Variants in RBFOX3 observed in about 807,000 individuals in gnomAD.
RBFOX3 encodes the protein RNA binding fox-1 homolog 3.
RBFOX3 carries 17 observed loss-of-function variants against 48.7 expected under a neutral mutation model. That is an observed-to-expected ratio of 0.35 (90% CI 0.24 to 0.52). The LOEUF is 0.52. Ranked by LOEUF, RBFOX3 falls within the 20% of genes least tolerant of loss-of-function variation. RBFOX3 has a pLI of 0.94. For missense variants in RBFOX3, 382 were observed against 497.5 expected (o/e 0.77, Z 2.21); for synonymous variants, 212 against 209.5 (o/e 1.01, Z -0.10).
intron 3 of RBFOX3, among the ~76,000 whole-genome samples, chr17:79,250,300 C>G (rs1037798376): frequency 6.6e-6 from 1 of 152,144 alleles, no homozygotes; most frequent in Non-Finnish European, 1.5e-5. Context: ...GTGCCTGTAT[C>G]GACAGTTGGG....
In RBFOX3 at chr17:79,362,257, G is replaced by A. The variant is rs141328342; in HGVS notation, c.-174-54433C>T. Among the ~76,000 whole-genome samples the A allele has an allele frequency of 6.6e-6, 1 of 152,352 alleles. No homozygotes were observed. Among genetic ancestry groups the A allele is most frequent in the Admixed American group, 6.5e-5 (1 of 15,300 alleles). The stretch of plus-strand genomic sequence containing the variant: ...TTCCCAGGTTCTCAGATATTTTCCT[G>A]CCTTTGGGAAAATGCATCTGTCTCC... On this transcript the variant is annotated intron_variant, in intron 2 of 14. Coordinates refer to ENST00000693108, the MANE Select transcript of RBFOX3 (RefSeq NM_001350451.2). This position sits in a 1 kb window ranked among gnomAD's most constrained non-coding sequence, Gnocchi z 4.2.
intron 4 of RBFOX3, among the ~76,000 whole-genome samples, chr17:79,200,513 G>A (rs2056584276): frequency 6.6e-6 from 1 of 152,240 alleles, no homozygotes; most frequent in Non-Finnish European, 1.5e-5. Flanking sequence ...GGGCAGAGGT[G>A]CCGCCGGAGG....
Position 79,512,176 on chromosome 17 carries a change from T to C in RBFOX3, c.-319-29578A>G, listed in dbSNP as rs1013985312. ...CATGGCCAGGGGACACCCACCCGGA[T>C]ACATGTTACCATCGGATATAGCCCC... On this transcript the variant is annotated intron_variant, in intron 1 of 14. Transcript: ENST00000693108. 4.9e-5 allele frequency among the ~76,000 whole-genome samples: 7 copies of C among 141,586 alleles called. 1 individual carries two copies. The highest frequency in any genetic ancestry group is 2.3e-4 in the South Asian group (1 of 4,306). The allele number at this position is 141,586 out of a possible 152,430, so 92.9% of individuals were successfully genotyped here.
chr17:79,655,070 A>G, the RBFOX3 span, among the ~76,000 whole-genome samples: 2 of 152,162 alleles, frequency 1.3e-5, no homozygotes, highest in African/African-American at 2.4e-5. Flanking sequence ...AAGGGAAAGC[A>G]CCCAAGTAGA....
chr17:79,166,049 G>A (rs1273106945), intron 4 of RBFOX3, among the ~76,000 whole-genome samples: 1 of 152,226 alleles, frequency 6.6e-6, no homozygotes, highest in Non-Finnish European at 1.5e-5. Flanking sequence ...GCTGGAGTGA[G>A]ATGTTGCACA....
chr17:79,649,654 G>T, the RBFOX3 span, among the ~76,000 whole-genome samples: 1 of 152,156 alleles, frequency 6.6e-6, no homozygotes, highest in East Asian at 1.9e-4. Flanking sequence ...TGCAGTGGGC[G>T]GAGATAGCGC....
chr17:79,260,037 T>A (rs978260229), intron 3 of RBFOX3, among the ~76,000 whole-genome samples: 5 of 151,578 alleles, frequency 3.3e-5, no homozygotes, highest in African/African-American at 1.2e-4. Flanking sequence ...GAGATGGTCC[T>A]CACACCCCTG....
chr17:79,096,506 G>A, intron 12 of RBFOX3, 147 bp downstream of exon 12: 1 of 687,554 alleles, frequency 1.5e-6, no homozygotes, highest in Non-Finnish European at 2.5e-6. Flanking sequence ...CATACTCTGG[G>A]CAGACGTGGC....
At chr17:79,329,038 C>T (rs1185325071) in intron 2 of RBFOX3, among the ~76,000 whole-genome samples, 1 of 152,060 alleles carries the variant, frequency 6.6e-6, no homozygotes, top group Non-Finnish European at 1.5e-5. Context: ...AAGAAAGGAC[C>T]CACGTGGCCA....
chr17:79,590,609 T>C, intron 1 of RBFOX3, among the ~76,000 whole-genome samples: 1 of 152,212 alleles, frequency 6.6e-6, no homozygotes, highest in Non-Finnish European at 1.5e-5. Flanking sequence ...TCCCAGGACA[T>C]CCCAGCTGGG....
intron 4 of RBFOX3, among the ~76,000 whole-genome samples, chr17:79,141,673 C>T (rs2144239526): frequency 6.6e-6 from 1 of 152,202 alleles, no homozygotes; most frequent in South Asian, 2.1e-4. Context: ...AGTTGGGGGT[C>T]CCTCGGTAAG....
chr17:79,393,442 C>T (rs1327972672), intron 2 of RBFOX3, among the ~76,000 whole-genome samples: 1 of 152,260 alleles, frequency 6.6e-6, no homozygotes, highest in Non-Finnish European at 1.5e-5. Flanking sequence ...GCTCTCCGTT[C>T]GTGTGGTCCC....
chr17:79,193,407 GTT>G (rs1026436942), intron 4 of RBFOX3, among the ~76,000 whole-genome samples: 2 of 152,124 alleles, frequency 1.3e-5, no homozygotes, highest in African/African-American at 4.8e-5. Flanking sequence ...AGGAAGAAAT[GTT>G]TGCATTGAAG....
intron 10 of RBFOX3, 35 bp from the exon 11 acceptor site, chr17:79,097,459 G>A: frequency 1.3e-6 from 2 of 1,512,882 alleles, no homozygotes; most frequent in Middle Eastern, 2.3e-4. Context: ...CGTGTGAGAG[G>A]CACAAGGGGA....
intron 4 of RBFOX3, among the ~76,000 whole-genome samples, chr17:79,191,863 G>C (rs922364188): frequency 6.6e-6 from 1 of 152,204 alleles, no homozygotes; most frequent in African/African-American, 2.4e-5. Context: ...GGTTAGGCAG[G>C]ACCCTGGGCA....
In RBFOX3 at chr17:79,247,163, G is replaced by C. The variant is rs566939152; in HGVS notation, c.-73-11358C>G. Among the ~76,000 whole-genome samples, 5 of 152,254 alleles carry C rather than the reference G, an allele frequency of 3.3e-5. No individual in the cohort carries two copies. In the South Asian group the frequency reaches 1.0e-3, roughly 32 times the overall value. The stretch of plus-strand genomic sequence containing the variant: ...CAAGTGTGCTGGAGGCTGGCTGCTA[G>C]AATGGCTGGTCTGTGGAGCCCACGG... On this transcript the variant is annotated intron_variant, in intron 3 of 14. Coordinates refer to ENST00000693108, the MANE Select transcript of RBFOX3 (RefSeq NM_001350451.2).
intron 1 of RBFOX3, among the ~76,000 whole-genome samples, chr17:79,532,347 T>C (rs2087927843): frequency 6.6e-6 from 1 of 151,740 alleles, no homozygotes; most frequent in South Asian, 2.1e-4. Flanking sequence ...ACAGAGGGGA[T>C]TGAGGTGGGG....
intron 4 of RBFOX3, among the ~76,000 whole-genome samples, chr17:79,215,228 C>CCGCCCT (rs150319958): frequency 0.022 from 3,376 of 152,306 alleles, 128 homozygotes; most frequent in African/African-American, 0.076. Context: ...CTGCATGCTG[C>CCGCCCT]CGCCCTCGTG....
chr17:79,463,214 TCCACTGCCATCG>T (rs1188501840), intron 2 of RBFOX3, among the ~76,000 whole-genome samples: 1 of 84,224 alleles, frequency 1.2e-5, no homozygotes, highest in African/African-American at 4.1e-5. Context: ...CACTGCCACC[TCCACTGCCATCG>T]CCACTGCCAC....
Sources: allele counts gnomAD v4.1 joint callset (sites outside exome capture counted in the v4.1 genomes callset), GRCh38; gene constraint gnomAD v4.1.1; non-coding constraint Gnocchi (gnomAD v3.1); transcripts MANE v1.5; gene names NCBI Gene and HGNC (gene_info 2026-07-23, HGNC 2026-07-21).